FMO2: variants seen among roughly 807,000 people sequenced by gnomAD.
FMO2 encodes flavin-containing monooxygenase 2.
In FMO2, 33 loss-of-function variants were observed where a neutral mutation model predicts 41.6. The observed-to-expected ratio is 0.79, with a 90% confidence interval of 0.60 to 1.06. The LOEUF (loss-of-function observed/expected upper bound fraction) is 1.06. FMO2 is among the 50% of genes least tolerant of loss of function. The pLI, the probability that FMO2 is intolerant of heterozygous loss-of-function variation, is 0.00. For synonymous variants in FMO2, 214 were observed against 219.6 expected (o/e 0.97, Z 0.23); for missense variants, 619 against 632.9 (o/e 0.98, Z 0.23).
chr1:171,195,869 CTGTT>C (rs1489909229), intron 3 of FMO2, among the ~76,000 whole-genome samples: 2 of 152,220 alleles, frequency 1.3e-5, no homozygotes, highest in African/African-American at 4.8e-5. Flanking sequence ...ATGATGTACT[CTGTT>C]TTAAAAATAG....
intron 7 of FMO2, among the ~76,000 whole-genome samples, chr1:171,207,147 C>A (rs1658792403): frequency 6.6e-6 from 1 of 152,102 alleles, no homozygotes; most frequent in Non-Finnish European, 1.5e-5. Context: ...TTCAACACAT[C>A]CAAAGCTCAG....
intron 7 of FMO2, chr1:171,207,514 TG>T (rs1370892140): frequency 2.2e-6 from 1 of 460,344 alleles, no homozygotes; most frequent in African/African-American, 2.1e-5. Context: ...CCTCTCCACT[TG>T]TAGTCCATGC....
rs1557971532 is a variant in FMO2 at position 171,185,371 on chromosome 1, C to T, written c.-7+12C>T. The T allele has an allele frequency of 5.8e-6, 1 of 171,476 alleles. No individual in the cohort carries two copies. The highest frequency in any genetic ancestry group is 1.2e-5 in the Non-Finnish European group (1 of 80,016). 10.6% of individuals were successfully genotyped at this position (171,476 alleles called of 1,614,324 possible). A position where few individuals can be genotyped will look rare whatever the true frequency, so the allele number is the denominator to read the frequency against. On this transcript the variant is annotated intron_variant, in intron 1 of 8. Coordinates refer to ENST00000209929, the MANE Select transcript of FMO2 (RefSeq NM_001460.5). The stretch of plus-strand genomic sequence containing the variant: ...AGGCAAAAACAAAGGTAAGGATGAT[C>T]GCTGGGGAAAGAAGCTGAAAAGGAA...
At chr1:171,195,768 A>G (rs999403856) in intron 3 of FMO2, among the ~76,000 whole-genome samples, 1 of 151,246 alleles carries the variant, frequency 6.6e-6, no homozygotes, top group African/African-American at 2.4e-5. Context: ...CAATTTTAAA[A>G]ATTAACAGAC....
intron 5 of FMO2, among the ~76,000 whole-genome samples, chr1:171,203,028 T>C (rs1199800116): frequency 6.6e-6 from 1 of 152,126 alleles, no homozygotes; most frequent in East Asian, 1.9e-4. Flanking sequence ...AGAATCACAG[T>C]ATAAGTTCAG....
rs2020869 is a variant in FMO2, at chr1:171,209,013, A to G, written c.1476A>G (p.Lys492=). The G allele has an allele frequency of 0.15, 219,809 of 1,507,422 alleles. 17,180 individuals are homozygous for G. The highest frequency in any genetic ancestry group is 0.28 in the Admixed American group (15,531 of 55,048). The allele number at this position is 1,507,422 out of a possible 1,614,324, so 93.4% of individuals were successfully genotyped here. A position where few individuals can be genotyped will look rare whatever the true frequency, so the allele number is the denominator to read the frequency against. ...EGARNAIFTQ[K]QRILKPLKTR... ...CCAGAAATGCCATCTTCACCCAGAA[A>G]CAAAGAATACTGAAGCCACTCAAGA... Residue 492 remains lysine (K), a synonymous_variant, in exon 9 of 9, where the codon AAA becomes AAG. Coordinates refer to ENST00000209929, the MANE Select transcript of FMO2 (RefSeq NM_001460.5).
chr1:171,199,405 T>C lies in FMO2; in HGVS notation c.544T>C (p.Phe182Leu). 4 of 1,612,458 alleles carry C rather than the reference T, an allele frequency of 2.5e-6. No individual in the cohort carries two copies. The South Asian group carries it at 3.3e-5, about 13-fold the overall frequency. ...CCGCCAATACAAGCATCCAGATGGA[T>C]TTGAGGGAAAACGCATCCTGGTGAT... ...HSRQYKHPDG[F>L]EGKRILVIGM... Residue 182 changes from phenylalanine to leucine, a missense_variant, in exon 5 of 9, where the codon TTT (phenylalanine) becomes CTT (leucine). By Grantham distance (22) the Phe-to-Leu change is conservative. Coordinates refer to ENST00000209929, the MANE Select transcript of FMO2 (RefSeq NM_001460.5).
At chr1:171,200,636 G>A (rs1658498261) in intron 5 of FMO2, among the ~76,000 whole-genome samples, 1 of 152,202 alleles carries the variant, frequency 6.6e-6, no homozygotes, top group Admixed American at 6.5e-5. Flanking sequence ...ACCTGTCAGA[G>A]TCATCTATCA....
intron 2 of FMO2, among the ~76,000 whole-genome samples, chr1:171,189,762 G>A (rs552473942): frequency 4.7e-4 from 70 of 149,980 alleles, no homozygotes; most frequent in Admixed American, 1.1e-3. Flanking sequence ...GGGTTCAAGC[G>A]ATTTAGCTGG....
intron 8 of FMO2, 74 bp from the exon 9 acceptor site, chr1:171,208,720 C>A (rs1658861166): frequency 1.5e-6 from 2 of 1,337,906 alleles, no homozygotes; most frequent in South Asian, 1.3e-5. Flanking sequence ...ATTCCTTTAG[C>A]AGTTTTGAAT....
Position 171,211,101 on chromosome 1 carries a change from T to TAA in FMO2, c.*1956_*1957insAA, listed in dbSNP as rs1658962029. 2 of 152,148 alleles carry TAA rather than the reference T, an allele frequency of 1.3e-5. No homozygotes were observed. Among genetic ancestry groups the TAA allele is most frequent in the African/African-American group, 4.8e-5 (2 of 41,390 alleles). 9.4% of individuals were successfully genotyped at this position (152,148 alleles called of 1,614,324 possible). On this transcript the variant is annotated 3_prime_UTR_variant, in exon 9 of 9. Coordinates refer to ENST00000209929, the MANE Select transcript of FMO2 (RefSeq NM_001460.5). Reference sequence around the variant, plus strand: ...GCTTTGTTAAGTATTAAAGATTATTTGTAAGTCATTGTATTAATAATACTA... The same window carrying TAA: ...GCTTTGTTAAGTATTAAAGATTATTTAAGTAAGTCATTGTATTAATAATACTA...
chr1:171,199,434 A>C lies in FMO2; in HGVS notation c.573A>C (p.Gly191=). The C allele has an allele frequency of 6.2e-7, 1 of 1,612,936 alleles. No homozygotes were observed. Among genetic ancestry groups the C allele is most frequent in the Non-Finnish European group, 8.5e-7 (1 of 1,179,484 alleles). Residue 191 remains glycine (G), a synonymous_variant, in exon 5 of 9, where the codon GGA becomes GGC. Transcript: ENST00000209929. The part of the protein sequence containing the change: ...GFEGKRILVI[G]MGNSGSDIAV... The stretch of plus-strand genomic sequence containing the variant: ...AGGGAAAACGCATCCTGGTGATTGG[A>C]ATGGGAAACTCAGGCTCAGATATTG...
At chr1:171,187,810 A>C (rs28369808) in intron 2 of FMO2, among the ~76,000 whole-genome samples, 2,164 of 152,068 alleles carry the variant, frequency 0.014, 59 homozygotes, top group African/African-American at 0.051. Flanking sequence ...ATCTAAACAC[A>C]CTCAGAGTTA....
In FMO2 at chr1:171,196,278, T is replaced by C. The variant is rs145194285; in HGVS notation, c.322-371T>C. ...TAACAAGGGTGATGCCAGTCTGAGATTGGACAGTTACTGAGCAGATGTTCT... is the reference window on the plus strand; with the variant it reads ...TAACAAGGGTGATGCCAGTCTGAGACTGGACAGTTACTGAGCAGATGTTCT... On this transcript the variant is annotated intron_variant, in intron 3 of 8. Coordinates refer to ENST00000209929, the MANE Select transcript of FMO2 (RefSeq NM_001460.5). 1.0e-3 allele frequency among the ~76,000 whole-genome samples: 156 copies of C among 152,350 alleles called. 1 individual carries two copies. Among genetic ancestry groups the C allele is most frequent in the Middle Eastern group, 6.8e-3 (2 of 294 alleles).
chr1:171,186,615 C>T (rs1419581979), intron 2 of FMO2, among the ~76,000 whole-genome samples: 1 of 152,096 alleles, frequency 6.6e-6, no homozygotes. Flanking sequence ...AGGGTAGCTG[C>T]CCCCTTGATT....
At chr1:171,189,307 T>C (rs543917790) in intron 2 of FMO2, among the ~76,000 whole-genome samples, 3 of 152,208 alleles carry the variant, frequency 2.0e-5, no homozygotes, top group Non-Finnish European at 4.4e-5. Context: ...CATGTAATAC[T>C]CTCTAGACAT....
Position 171,199,338 on chromosome 1 carries a change from C to T in FMO2, c.485-8C>T, listed in dbSNP as rs770667261. The T allele has an allele frequency of 6.3e-7, 1 of 1,581,574 alleles. No individual in the cohort carries two copies. Among genetic ancestry groups the T allele is most frequent in the Non-Finnish European group, 8.6e-7 (1 of 1,166,390 alleles). ...AGCTCACAGACTTCTCTCTTCTTCC[C>T]CCTGAAGGTATGGAGAGGTTCAAAG... is the stretch of plus-strand genomic sequence containing the variant. On this transcript the variant is annotated splice_polypyrimidine_tract_variant and splice_region_variant and intron_variant, in intron 4 of 8. Coordinates refer to ENST00000209929, the MANE Select transcript of FMO2 (RefSeq NM_001460.5).
intron 4 of FMO2, 164 bp from the exon 5 acceptor site, chr1:171,199,182 A>C (rs1658426219): frequency 3.5e-6 from 2 of 572,244 alleles, no homozygotes; most frequent in Admixed American, 7.3e-5. Flanking sequence ...TACAGGCCCC[A>C]CCTGGTCTGG....
chr1:171,190,966 A>G (rs1658060192), intron 2 of FMO2, among the ~76,000 whole-genome samples: 1 of 152,084 alleles, frequency 6.6e-6, no homozygotes, highest in Non-Finnish European at 1.5e-5. Context: ...ACCAAAATGG[A>G]GAAACCCCAC....
Sources: allele counts gnomAD v4.1 joint callset (sites outside exome capture counted in the v4.1 genomes callset), GRCh38; gene constraint gnomAD v4.1.1; transcripts MANE v1.5; gene names NCBI Gene and HGNC (gene_info 2026-07-23, HGNC 2026-07-21).